The following ZER1 variants were observed in gnomAD, a reference collection of about 807,000 sequenced individuals.
ZER1 encodes zyg-11 related cell cycle regulator.
Under a neutral mutation model 78.8 loss-of-function variants are expected in ZER1, and 11 were observed. That is an observed-to-expected ratio of 0.14 (90% CI 0.09 to 0.23). The LOEUF is 0.23. ZER1 is among the 10% of genes least tolerant of loss of function. ZER1 has a pLI of 1.00. For missense variants in ZER1, 588 were observed against 996.9 expected, an observed-to-expected ratio of 0.59 and a Z score of 5.52; for synonymous variants, 400 against 407.0, an observed-to-expected ratio of 0.98 and a Z score of 0.21.
intron 13 of ZER1, among the ~76,000 whole-genome samples, chr9:128,737,763 C>T (rs893177537): frequency 2.6e-5 from 4 of 151,920 alleles, no homozygotes; most frequent in Admixed American, 6.6e-5. Context: ...AGTGCAGTGG[C>T]GAGTTCTTGG....
rs1863272016 is a variant in ZER1 at position 128,740,993 on chromosome 9, C to T, written c.1738-106G>A. The T allele has an allele frequency of 2.9e-6, 2 of 691,182 alleles. No homozygotes were observed. The highest frequency in any genetic ancestry group is 5.4e-6 in the Non-Finnish European group (2 of 373,772). 42.8% of individuals were successfully genotyped at this position (691,182 alleles called of 1,614,324 possible). A position where few individuals can be genotyped will look rare whatever the true frequency, so the allele number is the denominator to read the frequency against. ...TGGGCATCTGGCCATGCCAACTAGA[C>T]AAAGAGGGGGCATATATGCTGCCCT... On this transcript the variant is annotated intron_variant, in intron 11 of 15. Coordinates refer to ENST00000291900, the MANE Select transcript of ZER1 (RefSeq NM_006336.4). The surrounding 1 kb of genome is among the most constrained non-coding windows in gnomAD (Gnocchi z 4.4).
intron 8 of ZER1, among the ~76,000 whole-genome samples, chr9:128,745,087 G>A (rs1471094593): frequency 6.6e-6 from 1 of 152,000 alleles, no homozygotes; most frequent in African/African-American, 2.4e-5. Flanking sequence ...GTTTTCCGCA[G>A]TGGCTTTAGC....
chr9:128,741,992 G>T, intron 9 of ZER1, 151 bp from the exon 10 acceptor site: 2 of 1,064,036 alleles, frequency 1.9e-6, no homozygotes, highest in South Asian at 1.4e-5. Flanking sequence ...GAGGCTATTT[G>T]AAGGCATCCA....
At chr9:128,752,292 C>G (rs950968219) in intron 5 of ZER1, among the ~76,000 whole-genome samples, 2 of 151,974 alleles carry the variant, frequency 1.3e-5, no homozygotes, top group African/African-American at 4.8e-5. Context: ...GCACCCAGCA[C>G]AGCACTTGGC....
intron 1 of ZER1, among the ~76,000 whole-genome samples, chr9:128,766,210 G>A (rs532898679): frequency 2.0e-4 from 30 of 152,066 alleles, no homozygotes; most frequent in Admixed American, 4.6e-4. Flanking sequence ...TTAGCAGGGC[G>A]TGGTGGCGGG....
At chr9:128,772,094 C>A (rs1440337148), upstream of ZER1, among the ~76,000 whole-genome samples, 1 of 152,082 alleles carries the variant, frequency 6.6e-6, no homozygotes, top group Non-Finnish European at 1.5e-5. Context: ...CGGGATGCCC[C>A]CCCCAGGCCA....
rs1863645158 is a variant in ZER1 at position 128,750,649 on chromosome 9, C to T, written c.1326G>A (p.Val442=). 6.2e-7 allele frequency: 1 copy of T among 1,614,096 alleles called. No homozygotes were observed. The highest frequency in any genetic ancestry group is 1.7e-5 in the Admixed American group (1 of 60,006). Residue 442 remains valine (V), a synonymous_variant, in exon 8 of 16, where the codon GTG becomes GTA. Transcript: ENST00000291900. ...CCTGGTAGGATTCCATGCCATTCAG[C>T]ACCACCTGGATAACCTGCCGGCGCA... The part of the protein sequence containing the change: ...VKLRRQVIQV[V]LNGMESYQEV...
intron 1 of ZER1, among the ~76,000 whole-genome samples, chr9:128,760,559 A>C (rs1386095676): frequency 1.3e-5 from 2 of 152,142 alleles, no homozygotes; most frequent in Admixed American, 6.6e-5. Context: ...GTTTTGACCC[A>C]GTTATACAAT....
chr9:128,747,474 C>T (rs1318141212), intron 8 of ZER1, among the ~76,000 whole-genome samples: 3 of 152,286 alleles, frequency 2.0e-5, no homozygotes, highest in East Asian at 1.9e-4. Flanking sequence ...ATGCTGGTGT[C>T]AGCAGTCATG....
intron 1 of ZER1, among the ~76,000 whole-genome samples, chr9:128,762,776 C>A (rs1049752529): frequency 6.6e-6 from 1 of 152,186 alleles, no homozygotes; most frequent in African/African-American, 2.4e-5. Context: ...CAGCATGGCA[C>A]CCTCGAGGGA....
chr9:128,730,313 TGCTGGTCTGGAGGCGG>T lies in ZER1; in HGVS notation c.*1008_*1023del, dbSNP rs371159879. The T allele has an allele frequency of 3.3e-3, 510 of 153,174 alleles. 9 individuals carry two copies. The East Asian group carries it at 0.036, about 11-fold the overall frequency. The allele number at this position is 153,174 out of a possible 1,614,324, so 9.5% of individuals were successfully genotyped here. A position where few individuals can be genotyped will look rare whatever the true frequency, so the allele number is the denominator to read the frequency against. On this transcript the variant is annotated 3_prime_UTR_variant, in exon 16 of 16. Coordinates refer to ENST00000291900, the MANE Select transcript of ZER1 (RefSeq NM_006336.4). The stretch of plus-strand genomic sequence containing the variant: ...AGCGGCCACTGCAGGGCAGTCCGAG[TGCTGGTCTGGAGGCGG>T]CTGTGTGGCCGTTGTGGGTCAAAGG...
intron 9 of ZER1, among the ~76,000 whole-genome samples, chr9:128,742,142 A>G (rs2132414157): frequency 6.6e-6 from 1 of 152,294 alleles, no homozygotes; most frequent in Non-Finnish European, 1.5e-5. Context: ...GAAGCTCTTG[A>G]GCTCCTTTGT....
In ZER1 at chr9:128,735,757, CCTGGTT is replaced by C. The variant is rs1322733895; in HGVS notation, c.2043-332_2043-327del. 1.7e-3 allele frequency among the ~76,000 whole-genome samples: 128 copies of C among 77,362 alleles called. 31 individuals carry two copies. The highest frequency in any genetic ancestry group is 2.1e-3 in the African/African-American group (37 of 17,900). 50.8% of individuals were successfully genotyped at this position (77,362 alleles called of 152,430 possible). A position where few individuals can be genotyped will look rare whatever the true frequency, so the allele number is the denominator to read the frequency against. On this transcript the variant is annotated intron_variant, in intron 13 of 15. Transcript: ENST00000291900. ...ACCCTGGGAACAGAAGCACGTGTGA[CCTGGTT>C]TTTTTTTTTTTTTTTTTTTTTTTTT...
rs539791779 is a variant in ZER1 at position 128,766,770 on chromosome 9, T to C, written c.-95+4811A>G. The stretch of plus-strand genomic sequence containing the variant: ...CTGAAGCAGGAGAATCGCTTGAACC[T>C]AGGAGGCAGAGGTTGCAGTGAGCCG... On this transcript the variant is annotated intron_variant, in intron 1 of 15. Coordinates refer to ENST00000291900, the MANE Select transcript of ZER1 (RefSeq NM_006336.4). Among the ~76,000 whole-genome samples, 18 of 129,960 alleles carry C rather than the reference T, an allele frequency of 1.4e-4. No individual in the cohort carries two copies. In the East Asian group the frequency reaches 4.1e-3, roughly 30 times the overall value. 85.3% of individuals were successfully genotyped at this position (129,960 alleles called of 152,430 possible).
In ZER1 at chr9:128,740,842, A is replaced by G. The variant is rs751844625; in HGVS notation, c.1783T>C (p.Leu595=). 1 of 781,088 alleles carries G rather than the reference A, an allele frequency of 1.3e-6. No homozygotes were observed. Among genetic ancestry groups the G allele is most frequent in the East Asian group, 2.4e-5 (1 of 41,254 alleles). The allele number at this position is 781,088 out of a possible 1,614,324, so 48.4% of individuals were successfully genotyped here. ...QELHRNMLGL[L]GNVAEVKELR... ...TCCTTCACTTCTGCCACATTCCCCA[A>G]AAGTCCTAGCATATTCCTATGCAGT... Residue 595 remains leucine (L), a synonymous_variant, in exon 12 of 16, where the codon TTG becomes CTG. Transcript: ENST00000291900. This position sits in a 1 kb window ranked among gnomAD's most constrained non-coding sequence, Gnocchi z 4.4.
chr9:128,731,181 C>T lies in ZER1; in HGVS notation c.*156G>A. ...ATATATATAATATATATATATCTCA[C>T]TAACATTAAGGAAAAGCGTCGGTTG... On this transcript the variant is annotated 3_prime_UTR_variant, in exon 16 of 16. Coordinates refer to ENST00000291900, the MANE Select transcript of ZER1 (RefSeq NM_006336.4). The T allele has an allele frequency of 2.2e-6, 1 of 456,276 alleles. No homozygotes were observed. Among genetic ancestry groups the T allele is most frequent in the East Asian group, 3.7e-5 (1 of 27,200 alleles). 28.3% of individuals were successfully genotyped at this position (456,276 alleles called of 1,614,324 possible).
chr9:128,750,124 T>C (rs1296654922), intron 8 of ZER1, among the ~76,000 whole-genome samples: 1 of 152,240 alleles, frequency 6.6e-6, no homozygotes, highest in Non-Finnish European at 1.5e-5. Context: ...ATCCACCATA[T>C]ACAAACAGTA....
intron 11 of ZER1, among the ~76,000 whole-genome samples, chr9:128,741,242 C>T (rs567366253): frequency 1.3e-5 from 2 of 152,350 alleles, no homozygotes; most frequent in African/African-American, 4.8e-5. Flanking sequence ...CTGTCCAGCT[C>T]GTAGCGTAGT....
intron 8 of ZER1, 84 bp downstream of exon 8, chr9:128,750,531 GC>G: frequency 2.7e-6 from 4 of 1,498,804 alleles, no homozygotes; most frequent in Non-Finnish European, 3.6e-6. Context: ...GCAGCCCAGA[GC>G]CGGGGGAGCC....
Sources: allele counts gnomAD v4.1 joint callset (sites outside exome capture counted in the v4.1 genomes callset), GRCh38; gene constraint gnomAD v4.1.1; non-coding constraint Gnocchi (gnomAD v3.1); transcripts MANE v1.5; gene names NCBI Gene and HGNC (gene_info 2026-07-23, HGNC 2026-07-21).